The following LPIN2 variants were observed in gnomAD, a reference collection of about 807,000 sequenced individuals.
The protein encoded by LPIN2 is lipin 2, also known as phosphatidate phosphatase LPIN2.
In LPIN2, 55 loss-of-function variants were observed where a neutral mutation model predicts 111.4. That is an observed-to-expected ratio of 0.49 (90% CI 0.40 to 0.62). LPIN2 has a LOEUF of 0.62. Ranked by LOEUF, LPIN2 falls within the 20% of genes least tolerant of loss-of-function variation. The pLI, the probability that LPIN2 is intolerant of heterozygous loss-of-function variation, is 0.00. For synonymous variants in LPIN2, 425 were observed against 414.0 expected, an observed-to-expected ratio of 1.03 and a Z score of -0.32; for missense variants, 992 against 1,112.1, an observed-to-expected ratio of 0.89 and a Z score of 1.54.
chr18:2,946,043 G>A (rs577111547), intron 4 of LPIN2: 161 of 1,414,148 alleles, frequency 1.1e-4, no homozygotes, highest in Admixed American at 1.5e-4. Flanking sequence ...TCTAGACCCC[G>A]ATATGTCTTT....
intron 7 of LPIN2, among the ~76,000 whole-genome samples, chr18:2,936,102 C>A (rs1194396003): frequency 1.3e-5 from 2 of 152,222 alleles, no homozygotes; most frequent in African/African-American, 4.8e-5. Flanking sequence ...ACCACCAACA[C>A]CTTCGACAGT....
At position 2,965,804 on chromosome 18, in the gene LPIN2, T is replaced by G. The variant is rs78456571; in HGVS notation, c.-9-4955A>C. Among the ~76,000 whole-genome samples the G allele has an allele frequency of 3.0e-3, 451 of 149,666 alleles. 8 individuals are homozygous for G. The East Asian group carries it at 0.072, about 24-fold the overall frequency. Reference sequence around the variant, plus strand: ...CCCCTCCTACAAAAACTGCTTAAAATTATTTCAATTATTTGATGTGTTCAA... The same window carrying G: ...CCCCTCCTACAAAAACTGCTTAAAAGTATTTCAATTATTTGATGTGTTCAA... On this transcript the variant is annotated intron_variant, in intron 1 of 19. Coordinates refer to ENST00000677752, the MANE Select transcript of LPIN2 (RefSeq NM_001375808.2).
Position 2,922,085 on chromosome 18 carries a change from CA to C in LPIN2, c.2288del (p.Leu763ArgfsTer16). On this transcript the variant is annotated frameshift_variant, in exon 17 of 20. Transcript: ENST00000677752. LOFTEE classifies it high-confidence loss of function. Reference protein sequence around the residue: ...DKGTILPRGPLMLSPSSLFSA... With the variant: ...DKGTILPRGPXMLSPSSLFSA... The stretch of plus-strand genomic sequence containing the variant: ...AGAACAAGCTGCTGGGGGACAGCAT[CA>C]GGGGGCCCCGGGGCAAGATTGTGCC... 3 of 1,613,866 alleles carry C rather than the reference CA, an allele frequency of 1.9e-6. No individual in the cohort carries two copies. Among genetic ancestry groups the C allele is most frequent in the Non-Finnish European group, 1.7e-6 (2 of 1,179,968 alleles).
intron 1 of LPIN2, among the ~76,000 whole-genome samples, chr18:3,002,646 A>G (rs1333179140): frequency 2.6e-5 from 4 of 152,252 alleles, no homozygotes; most frequent in African/African-American, 9.6e-5. Context: ...CTTTGGCACT[A>G]TGAGAATAAA....
At chr18:3,007,836 C>T (rs1161417332) in intron 1 of LPIN2, among the ~76,000 whole-genome samples, 1 of 152,154 alleles carries the variant, frequency 6.6e-6, no homozygotes, top group African/African-American at 2.4e-5. Context: ...ATCAGATGAC[C>T]TTATATTGAA....
chr18:2,945,468 A>T, intron 4 of LPIN2: 1 of 747,858 alleles, frequency 1.3e-6, no homozygotes, highest in South Asian at 1.6e-5. Context: ...ACAAAACAAA[A>T]GATGACAGCA....
rs148607670 is a variant in LPIN2 at position 2,925,274 on chromosome 18, C to T, written c.1888G>A (p.Gly630Ser). 6.4e-5 allele frequency: 103 copies of T among 1,614,110 alleles called. 1 individual carries two copies. In the East Asian group the frequency reaches 1.9e-3, roughly 30 times the overall value. The stretch of plus-strand genomic sequence containing the variant: ...GACTTCTTATATGAAGTTGTGCTGC[C>T]GTGGCTCAGGGGCTCTGTGGGGATG... ...DPIPTEPLSH[G>S]STTSYKKSLR... The change falls in exon 14 of 20, where the codon GGC (glycine) becomes AGC (serine). Residue 630 changes from glycine (G) to serine (S), a missense_variant. By Grantham distance (56) the Gly-to-Ser change is moderately conservative. This residue lies in a region of LPIN2 where 709 missense variants were observed against 753.2 expected (regional missense o/e 0.94). Transcript: ENST00000677752. The surrounding 1 kb of genome is among the most constrained non-coding windows in gnomAD (Gnocchi z 4.1).
chr18:2,924,219 C>G (rs2077098075), intron 15 of LPIN2, among the ~76,000 whole-genome samples, 179 bp downstream of exon 15: 1 of 152,188 alleles, frequency 6.6e-6, no homozygotes, highest in African/African-American at 2.4e-5. Context: ...TCACCATCTC[C>G]TCCATGCAAA....
At chr18:2,963,756 C>T (rs930653356) in intron 1 of LPIN2, among the ~76,000 whole-genome samples, 6 of 151,856 alleles carry the variant, frequency 4.0e-5, no homozygotes, top group African/African-American at 9.7e-5. Flanking sequence ...TTGAGGCTTA[C>T]GGGCATAAAT....
At chr18:3,004,998 A>AG (rs59182788) in intron 1 of LPIN2, among the ~76,000 whole-genome samples, 13,070 of 151,946 alleles carry the variant, frequency 0.086, 1,372 homozygotes, top group African/African-American at 0.26. Context: ...AGAAACCCAC[A>AG]CTCCTATAAA....
chr18:2,920,941 A>T, intron 18 of LPIN2, 60 bp from the exon 19 acceptor site: 9 of 1,148,196 alleles, frequency 7.8e-6, no homozygotes, highest in Non-Finnish European at 1.2e-5. Flanking sequence ...GATACTTCTC[A>T]GGCTCCTTGT....
intron 1 of LPIN2, among the ~76,000 whole-genome samples, chr18:3,012,367 AAG>A (rs958668582): frequency 2.0e-5 from 3 of 152,226 alleles, no homozygotes. Flanking sequence ...TTTCAATGAA[AAG>A]AGTCTTAAAA....
At chr18:2,933,006 T>A (rs1466324694) in intron 8 of LPIN2, among the ~76,000 whole-genome samples, 1 of 152,186 alleles carries the variant, frequency 6.6e-6, no homozygotes, top group Non-Finnish European at 1.5e-5. Context: ...TCTACACACA[T>A]GGGGATGCCG....
Position 2,920,387 on chromosome 18 carries a change from T to C in LPIN2, c.2597A>G (p.Lys866Arg), listed in dbSNP as rs775837826. 3 of 1,614,034 alleles carry C rather than the reference T, an allele frequency of 1.9e-6. No homozygotes were observed. The highest frequency in any genetic ancestry group is 2.2e-5 in the East Asian group (1 of 44,884). Residue 866 changes from lysine to arginine, a missense_variant, in exon 20 of 20, where the codon AAG becomes AGG. By Grantham distance (26) the Lys-to-Arg change is conservative (BLOSUM62 2). Around this residue, in one of 4 missense-constraint regions of LPIN2, gnomAD observed 185 missense variants for 186.5 expected, o/e 0.99. Coordinates refer to ENST00000677752, the MANE Select transcript of LPIN2 (RefSeq NM_001375808.2). ...LVEHVFPLLSKEQNSAFPCPE... is the reference protein window; with the variant it reads ...LVEHVFPLLSREQNSAFPCPE... ...GCAGGGAAAAGCGGAATTCTGCTCC[T>C]TACTGAGAAGGGGGAACACATGCTC...
chr18:2,980,478 G>A (rs1211095365), intron 1 of LPIN2, among the ~76,000 whole-genome samples: 1 of 152,162 alleles, frequency 6.6e-6, no homozygotes, highest in Non-Finnish European at 1.5e-5. Context: ...AATCCTGGGT[G>A]GACTAAGGTT....
intron 2 of LPIN2, among the ~76,000 whole-genome samples, chr18:2,956,311 G>GGTGTGTGTGT (rs55844718): frequency 0.077 from 11,070 of 143,920 alleles, 672 homozygotes; most frequent in East Asian, 0.19. Flanking sequence ...TAGATGCAGG[G>GGTGTGTGTGT]GTGTGTGTGT....
intron 14 of LPIN2, 49 bp from the exon 15 acceptor site, chr18:2,924,595 G>C (rs2077103490): frequency 6.3e-7 from 1 of 1,594,364 alleles, no homozygotes; most frequent in Non-Finnish European, 8.6e-7. Context: ...AACATAGTTT[G>C]AAACGATTTA....
chr18:2,999,545 A>T (rs2078398402), intron 1 of LPIN2, among the ~76,000 whole-genome samples: 1 of 151,866 alleles, frequency 6.6e-6, no homozygotes, highest in South Asian at 2.1e-4. Context: ...CGGAGCTTGC[A>T]GTGAGCCAAG....
chr18:2,991,246 A>C (rs2078260904), intron 1 of LPIN2, among the ~76,000 whole-genome samples: 1 of 152,240 alleles, frequency 6.6e-6, no homozygotes, highest in African/African-American at 2.4e-5. Flanking sequence ...GAAGTGGGAC[A>C]AAAAAAGTGC....
Sources: gnomAD v4.1 joint callset for allele counts (sites outside exome capture counted in the v4.1 genomes callset) on GRCh38, gnomAD v4.1.1 for gene constraint, gnomAD v4.1.1 regional missense constraint, Gnocchi (gnomAD v3.1) non-coding constraint, MANE v1.5 for transcripts, NCBI Gene and HGNC (gene_info 2026-07-23, HGNC 2026-07-21) for gene names.